Variants in HIBCH observed in about 807,000 individuals in gnomAD.
The protein encoded by HIBCH is 3-hydroxyisobutyryl-CoA hydrolase, also known as 3-hydroxyisobutyryl-CoA hydrolase, mitochondrial.
Under a neutral mutation model 58.2 loss-of-function variants are expected in HIBCH, and 50 were observed. The observed-to-expected ratio is 0.86, with a 90% CI of 0.68 to 1.09. HIBCH has a LOEUF of 1.09. Among genes scored for constraint, HIBCH ranks in the 50% least tolerant of loss-of-function variants. The pLI is 0.00. For synonymous variants in HIBCH, 151 were observed against 146.9 expected, an observed-to-expected ratio of 1.03 and a Z score of -0.20; for missense variants, 450 against 449.7, an observed-to-expected ratio of 1.00 and a Z score of -0.01.
chr2:190,272,161 A>C (rs1311745728), intron 6 of HIBCH, among the ~76,000 whole-genome samples: 1 of 152,200 alleles, frequency 6.6e-6, no homozygotes, highest in African/African-American at 2.4e-5. Context: ...GGTATTGTTT[A>C]ATGTATTTCC....
At position 190,206,277 on chromosome 2, in the gene HIBCH, G is replaced by A. The variant is rs941218903; in HGVS notation, c.1046-1045C>T. Reference sequence around the variant, plus strand: ...TATGAGATTCTGGTATCAGATCAGTGGCGATATTAAATACTGATGTTCTGA... The same window carrying A: ...TATGAGATTCTGGTATCAGATCAGTAGCGATATTAAATACTGATGTTCTGA... On this transcript the variant is annotated intron_variant, in intron 13 of 13. Transcript: ENST00000359678. This position sits in a 1 kb window ranked among gnomAD's most constrained non-coding sequence, Gnocchi z 5.1. Among the ~76,000 whole-genome samples the A allele has an allele frequency of 5.3e-5, 8 of 152,186 alleles. 1 individual carries two copies. In the South Asian group the frequency reaches 1.7e-3, roughly 32 times the overall value.
intron 5 of HIBCH, among the ~76,000 whole-genome samples, chr2:190,289,248 C>T (rs1305935915): frequency 1.3e-5 from 2 of 151,764 alleles, no homozygotes. Context: ...TTTAGAAAAA[C>T]ATATATATCC....
At chr2:190,237,873 A>G (rs914469691) in intron 11 of HIBCH, among the ~76,000 whole-genome samples, 2 of 151,578 alleles carry the variant, frequency 1.3e-5, no homozygotes, top group African/African-American at 2.4e-5. Flanking sequence ...CCCTGTGTCA[A>G]TATGTTCTCA....
chr2:190,226,787 A>T (rs1350591861), intron 11 of HIBCH, among the ~76,000 whole-genome samples: 2 of 152,142 alleles, frequency 1.3e-5, no homozygotes, highest in African/African-American at 4.8e-5. Context: ...CACCATTAAC[A>T]GACAAACAGA....
Position 190,207,901 on chromosome 2 carries a change from A to T in HIBCH, c.1045+979T>A, listed in dbSNP as rs1381777538. Among the ~76,000 whole-genome samples, 2 of 151,416 alleles carry T rather than the reference A, an allele frequency of 1.3e-5. No individual in the cohort carries two copies. Among genetic ancestry groups the T allele is most frequent in the Non-Finnish European group, 2.9e-5 (2 of 67,978 alleles). On this transcript the variant is annotated intron_variant, in intron 13 of 13. Transcript: ENST00000359678. This position sits in a 1 kb window ranked among gnomAD's most constrained non-coding sequence, Gnocchi z 4.5. ...GTCTCCAAAAAAAATAAAATAAAAT[A>T]AAAAAAACAAAGGATATCCAGAGTC...
intron 2 of HIBCH, among the ~76,000 whole-genome samples, chr2:190,305,649 T>G (rs912914108): frequency 3.3e-5 from 5 of 152,158 alleles, no homozygotes; most frequent in African/African-American, 4.8e-5. Flanking sequence ...CAATCCATAA[T>G]AGCAATGTAG....
intron 2 of HIBCH, among the ~76,000 whole-genome samples, chr2:190,307,520 A>T (rs759656817): frequency 6.6e-6 from 1 of 152,068 alleles, no homozygotes; most frequent in Non-Finnish European, 1.5e-5. Flanking sequence ...AAATTTAAAA[A>T]TTAGCTGGGG....
intron 11 of HIBCH, among the ~76,000 whole-genome samples, chr2:190,233,050 T>G (rs1372086701): frequency 6.6e-6 from 1 of 151,936 alleles, no homozygotes; most frequent in Non-Finnish European, 1.5e-5. Context: ...AACTCAGGAG[T>G]GATCTTGGGG....
At chr2:190,295,886 G>T (rs1688091293) in intron 3 of HIBCH, among the ~76,000 whole-genome samples, 1 of 152,116 alleles carries the variant, frequency 6.6e-6, no homozygotes, top group Admixed American at 6.5e-5. Context: ...ACATCTACAT[G>T]GCAGACTGTA....
intron 1 of HIBCH, among the ~76,000 whole-genome samples, chr2:190,195,941 C>CTTTTTTTTTTTT (rs35679833): frequency 5.8e-5 from 5 of 86,192 alleles, no homozygotes; most frequent in Admixed American, 1.3e-4. Context: ...CTGTGTCCAG[C>CTTTTTTTTTTTT]TTTTTTTTTT....
chr2:190,288,174 T>TAAAAA lies in HIBCH; in HGVS notation c.386-541_386-537dup, dbSNP rs72480573. Among the ~76,000 whole-genome samples, 401 of 144,924 alleles carry TAAAAA rather than the reference T, an allele frequency of 2.8e-3. 1 individual carries two copies. Among genetic ancestry groups the TAAAAA allele is most frequent in the East Asian group, 0.011 (55 of 4,916 alleles). On this transcript the variant is annotated intron_variant, in intron 5 of 13. Transcript: ENST00000359678. Reference sequence around the variant, plus strand: ...ACCCTATCTTTTTTTTTTTTTTTTTTAAAAAAAGGAAGAGCTATGTCACAT... The same window carrying TAAAAA: ...ACCCTATCTTTTTTTTTTTTTTTTTTAAAAAAAAAAAAGGAAGAGCTATGTCACAT...
rs190606864 is a variant in HIBCH, at chr2:190,259,991, A to T, written c.517+1165T>A. Among the ~76,000 whole-genome samples, 307 of 152,316 alleles carry T rather than the reference A, an allele frequency of 2.0e-3. 3 individuals carry two copies. The highest frequency in any genetic ancestry group is 6.9e-3 in the African/African-American group (287 of 41,572). The stretch of plus-strand genomic sequence containing the variant: ...GGTAGAAGACTAAATGCTTTCCCCT[A>T]AAATCAGGAACAAGGAAAAAATGTC... On this transcript the variant is annotated intron_variant, in intron 7 of 13. Coordinates refer to ENST00000359678, the MANE Select transcript of HIBCH (RefSeq NM_014362.4).
intron 11 of HIBCH, among the ~76,000 whole-genome samples, chr2:190,223,383 CCACCATG>C (rs1685787416): frequency 6.6e-6 from 1 of 152,206 alleles, no homozygotes; most frequent in Non-Finnish European, 1.5e-5. Flanking sequence ...TACATGCATG[CCACCATG>C]CCCTATTAAG....
intron 6 of HIBCH, among the ~76,000 whole-genome samples, chr2:190,265,427 T>C (rs927516978): frequency 6.6e-6 from 1 of 151,838 alleles, no homozygotes; most frequent in Non-Finnish European, 1.5e-5. Context: ...AATCTTTTGC[T>C]GTGAAACGTC....
At chr2:190,266,709 C>T (rs1017633001) in intron 6 of HIBCH, among the ~76,000 whole-genome samples, 1 of 151,902 alleles carries the variant, frequency 6.6e-6, no homozygotes, top group African/African-American at 2.4e-5. Flanking sequence ...GCTGGGATTA[C>T]AGCCATGAGC....
At chr2:190,237,125 A>G (rs1485236639) in intron 11 of HIBCH, among the ~76,000 whole-genome samples, 1 of 152,230 alleles carries the variant, frequency 6.6e-6, no homozygotes, top group Non-Finnish European at 1.5e-5. Context: ...TATATATAAT[A>G]AAATTCACTT....
chr2:190,241,975 C>A (rs995053237), intron 11 of HIBCH, among the ~76,000 whole-genome samples: 1 of 152,074 alleles, frequency 6.6e-6, no homozygotes. Context: ...ATCTTCGCGG[C>A]GTTCTCTGTA....
Position 190,257,818 on chromosome 2 carries a change from T to A in HIBCH, c.517+3338A>T, listed in dbSNP as rs1227638477. ...AAAGGGGGCTGAAGTCATCCCTGTA[T>A]CGGGAACTAACCTGCAAAAACTGGA... is the stretch of plus-strand genomic sequence containing the variant. On this transcript the variant is annotated intron_variant, in intron 7 of 13. Transcript: ENST00000359678. 2.6e-5 allele frequency among the ~76,000 whole-genome samples: 4 copies of A among 152,098 alleles called. No homozygotes were observed. The East Asian group carries it at 5.8e-4, about 22-fold the overall frequency.
chr2:190,250,175 C>T (rs1254816381), intron 8 of HIBCH: 2 of 337,592 alleles, frequency 5.9e-6, no homozygotes, highest in Non-Finnish European at 1.2e-5. Flanking sequence ...TTACTGTTCC[C>T]AGAGCATAGC....
Sources: gnomAD v4.1 joint callset for allele counts (sites outside exome capture counted in the v4.1 genomes callset) on GRCh38, gnomAD v4.1.1 for gene constraint, Gnocchi (gnomAD v3.1) non-coding constraint, MANE v1.5 for transcripts, NCBI Gene and HGNC (gene_info 2026-07-23, HGNC 2026-07-21) for gene names.